GRM1: variants seen among roughly 807,000 people sequenced by gnomAD.
GRM1 encodes metabotropic glutamate receptor 1.
GRM1 carries 33 observed loss-of-function variants against 90.9 expected under a neutral mutation model. The ratio of observed to expected loss-of-function variants is 0.36; its 90% CI spans 0.28 to 0.49. GRM1 has a LOEUF of 0.49. GRM1 is among the 20% of genes least tolerant of loss of function. GRM1 has a pLI of 0.99. For missense variants in GRM1, 1,190 were observed against 1,534.3 expected (o/e 0.78, Z 3.75); for synonymous variants, 700 against 613.2 (o/e 1.14, Z -2.09).
At chr6:146,035,436 TA>T (rs1790855506) in intron 1 of GRM1, among the ~76,000 whole-genome samples, 1 of 152,064 alleles carries the variant, frequency 6.6e-6, no homozygotes, top group South Asian at 2.1e-4. Flanking sequence ...TGTAATTTTT[TA>T]ACAAGTGTTC....
At chr6:146,103,002 C>T (rs1777102133) in intron 1 of GRM1, among the ~76,000 whole-genome samples, 1 of 152,150 alleles carries the variant, frequency 6.6e-6, no homozygotes, top group South Asian at 2.1e-4. Context: ...AATGGAGTCA[C>T]ATTAAATTCT....
chr6:146,113,254 A>G (rs754065596), intron 1 of GRM1, among the ~76,000 whole-genome samples: 2 of 152,208 alleles, frequency 1.3e-5, no homozygotes, highest in Non-Finnish European at 2.9e-5. Flanking sequence ...TAGATTGAAT[A>G]GACACTCAAC....
intron 5 of GRM1, among the ~76,000 whole-genome samples, chr6:146,376,353 A>G (rs1776097754): frequency 6.6e-6 from 1 of 152,046 alleles, no homozygotes; most frequent in Non-Finnish European, 1.5e-5. Flanking sequence ...TATTCCATGT[A>G]CTATTACCAG....
intron 1 of GRM1, among the ~76,000 whole-genome samples, chr6:146,070,325 T>G (rs1377078941): frequency 6.6e-6 from 1 of 152,180 alleles, no homozygotes; most frequent in African/African-American, 2.4e-5. Flanking sequence ...GGGCACATTT[T>G]GAGCACTCAA....
chr6:146,180,689 A>G (rs1487461891), intron 2 of GRM1, among the ~76,000 whole-genome samples: 2 of 151,958 alleles, frequency 1.3e-5, no homozygotes, highest in Non-Finnish European at 2.9e-5. Context: ...ACCAAATGTC[A>G]CGAACTTAAA....
chr6:146,046,710 G>A (rs1160901405), intron 1 of GRM1, among the ~76,000 whole-genome samples: 2 of 151,926 alleles, frequency 1.3e-5, no homozygotes, highest in Admixed American at 6.6e-5. Context: ...GGTAACATAA[G>A]CAAATATATG....
intron 1 of GRM1, among the ~76,000 whole-genome samples, chr6:146,132,528 G>A (rs1232993736): frequency 6.6e-6 from 1 of 151,982 alleles, no homozygotes; most frequent in Admixed American, 6.6e-5. Flanking sequence ...TGTGTGTGTG[G>A]GTGTGGGTGT....
rs555351213 is a variant in GRM1 at position 146,217,818 on chromosome 6, G to A, written c.950+58221G>A. Reference sequence around the variant, plus strand: ...TGTCTGGGGAGCATCAAGAATAGAGGAATATTTGCAAGGTGAAGGCTTCCC... The same window carrying A: ...TGTCTGGGGAGCATCAAGAATAGAGAAATATTTGCAAGGTGAAGGCTTCCC... On this transcript the variant is annotated intron_variant, in intron 2 of 7. Coordinates refer to ENST00000282753, the MANE Select transcript of GRM1 (RefSeq NM_001278064.2). 4.0e-5 allele frequency among the ~76,000 whole-genome samples: 6 copies of A among 148,908 alleles called. No homozygotes were observed. In the East Asian group the frequency reaches 1.2e-3, roughly 29 times the overall value.
At position 146,351,628 on chromosome 6, in the gene GRM1, T is replaced by C. The variant is rs144943357; in HGVS notation, c.1187-622T>C. Among the ~76,000 whole-genome samples, 64 of 152,280 alleles carry C rather than the reference T, an allele frequency of 4.2e-4. 1 individual carries two copies. In the East Asian group the frequency reaches 0.01, roughly 24 times the overall value. Reference sequence around the variant, plus strand: ...TCTAAAGGCTAAAATTAATGTGTAGTGTGACTCTTCCATCAAGAAACATTT... The same window carrying C: ...TCTAAAGGCTAAAATTAATGTGTAGCGTGACTCTTCCATCAAGAAACATTT... On this transcript the variant is annotated intron_variant, in intron 3 of 7. Coordinates refer to ENST00000282753, the MANE Select transcript of GRM1 (RefSeq NM_001278064.2).
intron 2 of GRM1, among the ~76,000 whole-genome samples, chr6:146,273,486 T>C (rs1466541263): frequency 1.3e-5 from 2 of 152,214 alleles, no homozygotes; most frequent in African/African-American, 4.8e-5. Context: ...TTGTTAATGC[T>C]ACTCCCTAGG....
chr6:146,336,005 C>T (rs980687339), intron 3 of GRM1, among the ~76,000 whole-genome samples: 2 of 152,162 alleles, frequency 1.3e-5, no homozygotes, highest in Admixed American at 6.5e-5. Flanking sequence ...GCCTTTGCTC[C>T]TCCTTCACCT....
chr6:146,267,626 G>GGCTGGGCTGGGCTGC (rs1184627606), intron 2 of GRM1, among the ~76,000 whole-genome samples: 2 of 137,704 alleles, frequency 1.5e-5, no homozygotes, highest in Admixed American at 1.4e-4. Context: ...TGGGAGGCTG[G>GGCTGGGCTGGGCTGC]GCTGGGCTGG....
chr6:146,151,144 A>G (rs1374238426), intron 1 of GRM1, among the ~76,000 whole-genome samples: 1 of 152,226 alleles, frequency 6.6e-6, no homozygotes, highest in Admixed American at 6.5e-5. Context: ...CCAGACCAGG[A>G]ATGGATTCAT....
At chr6:146,382,977 A>G (rs1235425953) in intron 5 of GRM1, among the ~76,000 whole-genome samples, 1 of 152,136 alleles carries the variant, frequency 6.6e-6, no homozygotes, top group Non-Finnish European at 1.5e-5. Flanking sequence ...CTAGATATAT[A>G]CAATGGATGA....
At chr6:146,330,336 G>T (rs542075056) in intron 3 of GRM1, among the ~76,000 whole-genome samples, 1 of 152,242 alleles carries the variant, frequency 6.6e-6, no homozygotes, top group African/African-American at 2.4e-5. Context: ...TTTCCGGAGA[G>T]AATTGGTGTA....
At chr6:146,056,609 C>T (rs1281265253) in intron 1 of GRM1, among the ~76,000 whole-genome samples, 4 of 152,074 alleles carry the variant, frequency 2.6e-5, no homozygotes, top group Admixed American at 2.6e-4. Flanking sequence ...CGCTTTTACT[C>T]AGGGCCTTCT....
chr6:146,368,642 T>G (rs991181129), intron 5 of GRM1, among the ~76,000 whole-genome samples: 10 of 152,050 alleles, frequency 6.6e-5, no homozygotes, highest in Admixed American at 2.6e-4. Context: ...ATATCGTTTT[T>G]GTTCTTCATT....
chr6:146,280,963 C>T (rs1022734887), intron 2 of GRM1, among the ~76,000 whole-genome samples: 1 of 152,020 alleles, frequency 6.6e-6, no homozygotes, highest in Non-Finnish European at 1.5e-5. Context: ...TAATACCAAC[C>T]TCACCCATCC....
intron 2 of GRM1, among the ~76,000 whole-genome samples, chr6:146,251,321 A>C (rs775116849): frequency 7.9e-5 from 12 of 152,188 alleles, no homozygotes; most frequent in Non-Finnish European, 1.5e-4. Flanking sequence ...CTTCATCAGA[A>C]AAATACCTTC....
Sources: allele counts gnomAD v4.1 joint callset (sites outside exome capture counted in the v4.1 genomes callset), GRCh38; gene constraint gnomAD v4.1.1; transcripts MANE v1.5; gene names NCBI Gene and HGNC (gene_info 2026-07-23, HGNC 2026-07-21).